NCR1: variants seen among roughly 807,000 people sequenced by gnomAD.
NCR1 encodes NK cell-activating receptor.
A neutral mutation model predicts 32.5 loss-of-function variants in NCR1; 30 were observed. The ratio of observed to expected loss-of-function variants is 0.92; its 90% CI spans 0.69 to 1.25. The LOEUF (loss-of-function observed/expected upper bound fraction) is 1.25, where lower values mean the gene tolerates loss of function less well. Among genes scored for constraint, NCR1 ranks in the 50% most tolerant of loss-of-function variants. The pLI, the probability that NCR1 is intolerant of heterozygous loss-of-function variation, is 0.00. For missense variants in NCR1, 369 were observed against 380.7 expected, an observed-to-expected ratio of 0.97 and a Z score of 0.26; for synonymous variants, 169 against 143.4, an observed-to-expected ratio of 1.18 and a Z score of -1.28.
At chr19:54,934,785 C>A in the NCR1 span, 1 of 734,942 alleles carries the variant, frequency 1.4e-6, no homozygotes, top group Admixed American at 2.9e-5. The surrounding 1 kb of genome is among the most constrained non-coding windows in gnomAD (Gnocchi z 6.7). Flanking sequence ...TCTCACCTCA[C>A]TGCAGCCTCC....
chr19:54,911,608 T>G (rs1158669234), intron 5 of NCR1, among the ~76,000 whole-genome samples: 1 of 149,822 alleles, frequency 6.7e-6, no homozygotes. Flanking sequence ...AAACATGAGT[T>G]GGGTGTGGTG....
At chr19:54,930,028 T>G in the NCR1 span, among the ~76,000 whole-genome samples, 2 of 137,864 alleles carry the variant, frequency 1.5e-5, no homozygotes, top group Admixed American at 8.1e-5. Flanking sequence ...GGCAGGAGAA[T>G]AGCGAGAACC....
intron 3 of NCR1, among the ~76,000 whole-genome samples, chr19:54,907,371 G>A (rs1408564845): frequency 5.4e-5 from 8 of 148,682 alleles, no homozygotes; most frequent in South Asian, 2.1e-4. Context: ...GGGTGGTGTC[G>A]AACTCCTGAC....
In NCR1 at chr19:54,909,234, T is replaced by A. The variant is rs1352539341; in HGVS notation, c.356-11T>A. 1 of 1,600,402 alleles carries A rather than the reference T, an allele frequency of 6.2e-7. No homozygotes were observed. Among genetic ancestry groups the A allele is most frequent in the Non-Finnish European group, 8.6e-7 (1 of 1,169,026 alleles). ...GAGTTTCTGGTGTGGTGGCCCCACC[T>A]TCTCTCATAGAAATGTATGACACAC... On this transcript the variant is annotated splice_polypyrimidine_tract_variant and intron_variant, in intron 3 of 6. Transcript: ENST00000291890.
chr19:54,929,627 C>T, the NCR1 span, among the ~76,000 whole-genome samples: 4 of 152,122 alleles, frequency 2.6e-5, no homozygotes, highest in Non-Finnish European at 4.4e-5. Flanking sequence ...GGCAGGCTCA[C>T]TGCTTCCTGA....
the NCR1 span, among the ~76,000 whole-genome samples, chr19:54,932,848 G>A: frequency 6.6e-6 from 1 of 151,884 alleles, no homozygotes; most frequent in Admixed American, 6.6e-5. Flanking sequence ...GTAGCGATGG[G>A]TTTTCACCAT....
At position 54,909,370 on chromosome 19, in the gene NCR1, T is replaced by C; in HGVS notation, c.481T>C (p.Ser161Pro). 2 of 1,613,936 alleles carry C rather than the reference T, an allele frequency of 1.2e-6. No individual in the cohort carries two copies. The highest frequency in any genetic ancestry group is 1.7e-6 in the Non-Finnish European group (2 of 1,179,988). ...SMFLLLKEGRSSHVQRGYGKV... is the reference protein window; with the variant it reads ...SMFLLLKEGRPSHVQRGYGKV... ...GTTCTTACTGCTCAAGGAGGGAAGA[T>C]CCAGCCACGTACAGCGCGGATACGG... Residue 161 changes from serine to proline, a missense_variant, in exon 4 of 7, where the codon TCC (serine) becomes CCC (proline). Coordinates refer to ENST00000291890, the MANE Select transcript of NCR1 (RefSeq NM_004829.7).
rs587692218 is a variant in NCR1, at chr19:54,909,881, A to G, written c.635-137A>G. On this transcript the variant is annotated intron_variant, in intron 4 of 6. Transcript: ENST00000291890. Reference sequence around the variant, plus strand: ...ACCCGGGAGGCGGGGGTTGTAGTGAACCGAGATCATACCACCGCACTGCAA... The same window carrying G: ...ACCCGGGAGGCGGGGGTTGTAGTGAGCCGAGATCATACCACCGCACTGCAA... 73 of 703,318 alleles carry G rather than the reference A, an allele frequency of 1.0e-4. No individual in the cohort carries two copies. In the South Asian group the frequency reaches 1.3e-3, roughly 12 times the overall value. 43.6% of individuals were successfully genotyped at this position (703,318 alleles called of 1,614,324 possible). A position where few individuals can be genotyped will look rare whatever the true frequency, so the allele number is the denominator to read the frequency against.
chr19:54,928,683 C>A, the NCR1 span, among the ~76,000 whole-genome samples: 2 of 152,094 alleles, frequency 1.3e-5, no homozygotes, highest in Admixed American at 6.6e-5. Context: ...AACCAGCATG[C>A]TAACTGGGGG....
downstream of NCR1, among the ~76,000 whole-genome samples, chr19:54,916,702 ATTTTTTTT>A (rs35842513): frequency 2.6e-4 from 13 of 50,474 alleles, no homozygotes; most frequent in East Asian, 8.3e-3. Flanking sequence ...CAACTGTTCT[ATTTTTTTT>A]TTTTTTTTTT....
chr19:54,910,073 A>G lies in NCR1; in HGVS notation c.682+8A>G. 6.2e-7 allele frequency: 1 copy of G among 1,613,630 alleles called. No individual in the cohort carries two copies. The highest frequency in any genetic ancestry group is 8.5e-7 in the Non-Finnish European group (1 of 1,179,644). On this transcript the variant is annotated splice_region_variant and intron_variant, in intron 5 of 6. Coordinates refer to ENST00000291890, the MANE Select transcript of NCR1 (RefSeq NM_004829.7). ...AAGACCCCACCTTTCCTGGTGAGTA[A>G]CTGGTCCTTCTAAGCTCAGACGAGC...
the NCR1 span, chr19:54,933,671 T>C: frequency 1.2e-6 from 2 of 1,613,858 alleles, no homozygotes; most frequent in African/African-American, 2.7e-5. Flanking sequence ...GTGTGTCAGC[T>C]TCTTGCTGAC....
the NCR1 span, among the ~76,000 whole-genome samples, chr19:54,931,984 G>A: frequency 6.6e-6 from 1 of 152,126 alleles, no homozygotes; most frequent in Non-Finnish European, 1.5e-5. Flanking sequence ...TGCGTGGTTA[G>A]ATTATGGAAA....
chr19:54,937,839 GTGAGC>G, the NCR1 span, among the ~76,000 whole-genome samples: 1 of 141,916 alleles, frequency 7.0e-6, no homozygotes, highest in Non-Finnish European at 1.5e-5. Flanking sequence ...GGAGGATGCA[GTGAGC>G]TGAGATCGCG....
chr19:54,919,725 C>CT (rs1556721757), downstream of NCR1, among the ~76,000 whole-genome samples: 2 of 145,264 alleles, frequency 1.4e-5, no homozygotes, highest in African/African-American at 2.6e-5. Flanking sequence ...CCCCCCCCCC[C>CT]ACCCGCTGCC....
chr19:54,914,265 G>A (rs560888961), downstream of NCR1, among the ~76,000 whole-genome samples: 1 of 147,820 alleles, frequency 6.8e-6, no homozygotes, highest in Non-Finnish European at 1.5e-5. Flanking sequence ...CAACGTGCAG[G>A]TTAGTTACAT....
chr19:54,913,844 G>C (rs1164253705), downstream of NCR1, among the ~76,000 whole-genome samples: 2 of 152,076 alleles, frequency 1.3e-5, no homozygotes, highest in African/African-American at 4.8e-5. Context: ...AAGGTGGGAG[G>C]ATCACCTGAG....
the NCR1 span, among the ~76,000 whole-genome samples, chr19:54,929,651 G>C: frequency 4.0e-3 from 612 of 152,248 alleles, 2 homozygotes; most frequent in African/African-American, 0.014. Flanking sequence ...CTGGATCCCA[G>C]CAGAAGCAGC....
chr19:54,906,449 G>A (rs2067616571), intron 2 of NCR1, 74 bp from the exon 3 acceptor site: 3 of 1,600,060 alleles, frequency 1.9e-6, no homozygotes, highest in Admixed American at 3.3e-5. Flanking sequence ...AGAGCTTGGG[G>A]CCAGCAGCTG....
Sources: gnomAD v4.1 joint callset for allele counts (sites outside exome capture counted in the v4.1 genomes callset) on GRCh38, gnomAD v4.1.1 for gene constraint, Gnocchi (gnomAD v3.1) non-coding constraint, MANE v1.5 for transcripts, NCBI Gene and HGNC (gene_info 2026-07-23, HGNC 2026-07-21) for gene names.